Variants in PML observed in about 807,000 individuals in gnomAD.
PML encodes the protein protein PML.
Under a neutral mutation model 65.2 loss-of-function variants are expected in PML, and 28 were observed. The observed-to-expected ratio is 0.43, with a 90% CI of 0.32 to 0.59. PML has a LOEUF of 0.59. PML is among the 20% of genes least tolerant of loss of function. The probability of loss-of-function intolerance (pLI) is 0.08; values close to 1 mark genes in which losing one functional copy is unlikely to be tolerated. For missense variants in PML, 1,021 were observed against 1,203.4 expected, an observed-to-expected ratio of 0.85 and a Z score of 2.24; for synonymous variants, 500 against 508.8, an observed-to-expected ratio of 0.98 and a Z score of 0.23.
intron 2 of PML, among the ~76,000 whole-genome samples, chr15:73,999,834 ATTTT>A (rs368015472): frequency 7.4e-6 from 1 of 135,778 alleles, no homozygotes. Context: ...ATTTTTTTTA[ATTTT>A]TTTTTTTTTT....
At chr15:74,009,687 G>A (rs1166750393) in intron 2 of PML, among the ~76,000 whole-genome samples, 4 of 151,882 alleles carry the variant, frequency 2.6e-5, no homozygotes, top group African/African-American at 7.3e-5. Context: ...CATGGCTTGC[G>A]GCAGCCTCAA....
Position 74,046,468 on chromosome 15 carries a change from C to G in PML, c.*1460C>G, listed in dbSNP as rs2141899970. On this transcript the variant is annotated 3_prime_UTR_variant, in exon 9 of 9. Transcript: ENST00000268058. ...TGAAGTCTGTGTACCCATACTGCAG[C>G]CCCATCCCATGGGGCCCCTGAAGAC... 1 of 232,868 alleles carries G rather than the reference C, an allele frequency of 4.3e-6. No individual in the cohort carries two copies. Among genetic ancestry groups the G allele is most frequent in the South Asian group, 1.8e-4 (1 of 5,512 alleles). 14.4% of individuals were successfully genotyped at this position (232,868 alleles called of 1,614,324 possible).
chr15:74,000,337 G>T (rs1005660162), intron 2 of PML, among the ~76,000 whole-genome samples: 1 of 151,860 alleles, frequency 6.6e-6, no homozygotes, highest in Non-Finnish European at 1.5e-5. Flanking sequence ...ACGGGGTCTT[G>T]CTCTGTCGCC....
At chr15:74,002,936 G>A (rs1232928195) in intron 2 of PML, among the ~76,000 whole-genome samples, 1 of 152,046 alleles carries the variant, frequency 6.6e-6, no homozygotes, top group Non-Finnish European at 1.5e-5. Flanking sequence ...GGCCAGCCTG[G>A]GCAATATGGT....
Position 74,042,424 on chromosome 15 carries a change from C to G in PML, c.1711-565C>G. 1.0e-6 allele frequency: 1 copy of G among 985,426 alleles called. No homozygotes were observed. The highest frequency in any genetic ancestry group is 1.2e-6 in the Non-Finnish European group (1 of 829,916). 61.0% of individuals were successfully genotyped at this position (985,426 alleles called of 1,614,324 possible). On this transcript the variant is annotated intron_variant, in intron 7 of 8. Coordinates refer to ENST00000268058, the MANE Select transcript of PML (RefSeq NM_033238.3). The surrounding 1 kb of genome is among the most constrained non-coding windows in gnomAD (Gnocchi z 5.3). ...GGACAAGAAAAGGCAGGCTCCCGACCCCTTCCAAAGAATCATCTGGGGTTC... is the reference window on the plus strand; with the variant it reads ...GGACAAGAAAAGGCAGGCTCCCGACGCCTTCCAAAGAATCATCTGGGGTTC...
At chr15:74,031,301 G>A (rs756974229) in intron 4 of PML, 4 of 437,144 alleles carry the variant, frequency 9.2e-6, no homozygotes, top group Non-Finnish European at 1.8e-5. Flanking sequence ...TTGAGACAGA[G>A]TCTCACTCTG....
In PML at chr15:74,033,773, C is replaced by T. The variant is rs969480618; in HGVS notation, c.1657+359C>T. ...GGGCATACCATAACAGGAAACTGGACTCCCCATGACCTTAACTCTGCTCTC... is the reference window on the plus strand; with the variant it reads ...GGGCATACCATAACAGGAAACTGGATTCCCCATGACCTTAACTCTGCTCTC... On this transcript the variant is annotated intron_variant, in intron 6 of 8. Transcript: ENST00000268058. 7 of 589,344 alleles carry T rather than the reference C, an allele frequency of 1.2e-5. No individual in the cohort carries two copies. In the African/African-American group the frequency reaches 1.3e-4, roughly 11 times the overall value. The allele number at this position is 589,344 out of a possible 1,614,324, so 36.5% of individuals were successfully genotyped here.
chr15:74,006,153 G>A (rs1170008464), intron 2 of PML, among the ~76,000 whole-genome samples: 1 of 152,180 alleles, frequency 6.6e-6, no homozygotes, highest in Non-Finnish European at 1.5e-5. Context: ...CGCTTTGGGA[G>A]GCTGAGGTGG....
intron 4 of PML, chr15:74,026,805 C>T (rs2071098502): frequency 6.6e-6 from 1 of 152,098 alleles, no homozygotes; most frequent in African/African-American, 2.4e-5. Flanking sequence ...CACGCACTAC[C>T]ACACCCAGCT....
At chr15:74,036,047 G>A in intron 7 of PML, 1 of 1,614,106 alleles carries the variant, frequency 6.2e-7, no homozygotes, top group Non-Finnish European at 8.5e-7. Flanking sequence ...CCTGCACAGA[G>A]TAGCACTCAT....
chr15:74,016,537 C>T (rs943559775), intron 2 of PML, among the ~76,000 whole-genome samples: 1 of 151,948 alleles, frequency 6.6e-6, no homozygotes, highest in African/African-American at 2.4e-5. Flanking sequence ...CCCATTGCTT[C>T]CTATTTAAAG....
chr15:74,022,057 A>G lies in PML; in HGVS notation c.603-771A>G, dbSNP rs368543964. Among the ~76,000 whole-genome samples, 22 of 152,328 alleles carry G rather than the reference A, an allele frequency of 1.4e-4. No individual in the cohort carries two copies. In the East Asian group the frequency reaches 3.3e-3, roughly 23 times the overall value. ...ACCGCAGCCTCCGCCTCCCGGGTTC[A>G]AGCAATTCTCCTGCCTCAGCCTCCT... On this transcript the variant is annotated intron_variant, in intron 2 of 8. Coordinates refer to ENST00000268058, the MANE Select transcript of PML (RefSeq NM_033238.3).
chr15:74,044,707 C>A lies in PML; in HGVS notation c.2348C>A (p.Pro783His). ...SSLQCFASLQ[P>H]LVQAAVLPRA... The stretch of plus-strand genomic sequence containing the variant: ...CTGCAGTGCTTTGCCTCCCTGCAGC[C>A]CCTGGTGCAGGCAGCTGTGCTGCCC... The change falls in exon 9 of 9, where the codon CCC (proline) becomes CAC (histidine). Residue 783 changes from proline (P) to histidine (H), a missense_variant. Physicochemically the swap from Pro to His is moderately conservative, Grantham distance 77 (BLOSUM62 -2). Coordinates refer to ENST00000268058, the MANE Select transcript of PML (RefSeq NM_033238.3). The A allele has an allele frequency of 6.2e-7, 1 of 1,608,782 alleles. No homozygotes were observed. The highest frequency in any genetic ancestry group is 8.5e-7 in the Non-Finnish European group (1 of 1,179,944).
chr15:74,043,014 G>T lies in PML; in HGVS notation c.1736G>T (p.Ser579Ile), dbSNP rs746979292. 6.2e-7 allele frequency: 1 copy of T among 1,613,672 alleles called. No homozygotes were observed. ...TCCTCCCGAGAGCTGGATGACAGCA[G>T]CAGTGAGTCCAGTGACCTCCAGCTG... ...NSSSRELDDS[S>I]SESSDLQLEG... The change falls in exon 8 of 9, where the codon AGC (serine) becomes ATC (isoleucine). Residue 579 changes from serine (S) to isoleucine (I), a missense_variant. Transcript: ENST00000268058. The surrounding 1 kb of genome is among the most constrained non-coding windows in gnomAD (Gnocchi z 4.3).
chr15:74,034,905 A>G, intron 7 of PML: 3 of 1,439,446 alleles, frequency 2.1e-6, no homozygotes, highest in Non-Finnish European at 2.7e-6. Context: ...AGTGGGGGCC[A>G]GTGAAGGGGT....
chr15:74,010,355 C>T (rs1455209806), intron 2 of PML, among the ~76,000 whole-genome samples: 2 of 151,094 alleles, frequency 1.3e-5, no homozygotes, highest in African/African-American at 4.9e-5. Flanking sequence ...TTTAACAAGA[C>T]TTGAAATTAA....
At position 73,994,908 on chromosome 15, in the gene PML, C is replaced by T. The variant is rs1261934578; in HGVS notation, c.96C>T (p.Gly32=). Residue 32 remains glycine (G), a synonymous_variant, in exon 1 of 9, where the codon GGC becomes GGT. Transcript: ENST00000268058. ...CTCCCCCCGAGACCCCCTCTGAAGGCCGCCAGCCCAGCCCCAGCCCCAGCC... is the reference window on the plus strand; with the variant it reads ...CTCCCCCCGAGACCCCCTCTGAAGGTCGCCAGCCCAGCCCCAGCCCCAGCC... ...TMPPPETPSE[G]RQPSPSPSPT... The T allele has an allele frequency of 3.9e-6, 6 of 1,548,658 alleles. No individual in the cohort carries two copies. In the African/African-American group the frequency reaches 4.1e-5, roughly 11 times the overall value.
At position 74,037,755 on chromosome 15, in the gene PML, T is replaced by TG; in HGVS notation, c.1710+3226dup. 1.0e-6 allele frequency: 1 copy of TG among 976,904 alleles called. No homozygotes were observed. Among genetic ancestry groups the TG allele is most frequent in the Non-Finnish European group, 1.2e-6 (1 of 822,158 alleles). The allele number at this position is 976,904 out of a possible 1,614,324, so 60.5% of individuals were successfully genotyped here. On this transcript the variant is annotated intron_variant, in intron 7 of 8. Transcript: ENST00000268058. The surrounding 1 kb of genome is among the most constrained non-coding windows in gnomAD (Gnocchi z 4.2). ...ACTCCTCCCTCTCCTCTGCAGGCTC[T>TG]GTTTTTTCTTGGTTGTGGTGCTCCT...
At chr15:74,002,004 GAAAA>G in intron 2 of PML, among the ~76,000 whole-genome samples, 1 of 126,452 alleles carries the variant, frequency 7.9e-6, no homozygotes, top group East Asian at 2.2e-4. Flanking sequence ...ACCCTGACTC[GAAAA>G]AAAAAAAAAA....
Sources: allele counts gnomAD v4.1 joint callset (sites outside exome capture counted in the v4.1 genomes callset), GRCh38; gene constraint gnomAD v4.1.1; non-coding constraint Gnocchi (gnomAD v3.1); transcripts MANE v1.5; gene names NCBI Gene and HGNC (gene_info 2026-07-23, HGNC 2026-07-21).